Variants in SAMD3 observed in about 807,000 individuals in gnomAD.
SAMD3 encodes sterile alpha motif domain containing 3, also known as sterile alpha motif domain-containing protein 3.
SAMD3 carries 63 observed loss-of-function variants against 58.5 expected under a neutral mutation model. The ratio of observed to expected loss-of-function variants is 1.08; its 90% CI spans 0.88 to 1.33. The LOEUF (loss-of-function observed/expected upper bound fraction) is 1.33. SAMD3 is among the 40% of genes most tolerant of loss of function. The pLI is 0.00. For missense variants in SAMD3, 604 were observed against 608.4 expected (o/e 0.99, Z 0.08); for synonymous variants, 220 against 210.3 (o/e 1.05, Z -0.40).
Position 130,214,527 on chromosome 6 carries a change from C to G in SAMD3, c.80-1G>C. ...AGAGCGGCCCCACTTACTTCTTCCT[C>G]TGGGAAAAAGAAAAAAAATTAGTTT... is the stretch of plus-strand genomic sequence containing the variant. On this transcript the variant is annotated splice_acceptor_variant, in intron 3 of 11. Coordinates refer to ENST00000439090, the MANE Select transcript of SAMD3 (RefSeq NM_001017373.4). LOFTEE classifies it high-confidence loss of function. 1 of 1,571,562 alleles carries G rather than the reference C, an allele frequency of 6.4e-7. No homozygotes were observed.
intron 10 of SAMD3, among the ~76,000 whole-genome samples, chr6:130,145,733 A>C (rs1279137801): frequency 6.6e-6 from 1 of 152,032 alleles, no homozygotes; most frequent in Non-Finnish European, 1.5e-5. Flanking sequence ...CCTAAATATA[A>C]TTTTACAATA....
At chr6:130,323,202 G>A (rs1167911904) in intron 1 of SAMD3, among the ~76,000 whole-genome samples, 2 of 152,126 alleles carry the variant, frequency 1.3e-5, no homozygotes, top group Admixed American at 6.5e-5. Flanking sequence ...ACAGGACAAC[G>A]GATACCTCTT....
chr6:130,174,630 C>A (rs751399158), intron 8 of SAMD3, among the ~76,000 whole-genome samples: 4 of 152,184 alleles, frequency 2.6e-5, no homozygotes, highest in Non-Finnish European at 4.4e-5. Flanking sequence ...GTCCCTCTCA[C>A]AAAGTGATTT....
rs905498602 is a variant in SAMD3 at position 130,211,940 on chromosome 6, C to T, written c.270-2332G>A. On this transcript the variant is annotated intron_variant, in intron 4 of 11. Transcript: ENST00000439090. Reference sequence around the variant, plus strand: ...GAATGCCATCACAGACTCTTTAGAACGGACCTAAAGTATCACTTATTCTAC... The same window carrying T: ...GAATGCCATCACAGACTCTTTAGAATGGACCTAAAGTATCACTTATTCTAC... 6.7e-5 allele frequency among the ~76,000 whole-genome samples: 10 copies of T among 149,846 alleles called. No individual in the cohort carries two copies. In the East Asian group the frequency reaches 7.8e-4, roughly 12 times the overall value.
chr6:130,194,189 T>C (rs1793856163), intron 5 of SAMD3, among the ~76,000 whole-genome samples: 1 of 152,196 alleles, frequency 6.6e-6, no homozygotes, highest in African/African-American at 2.4e-5. Flanking sequence ...GCTAAAGGTA[T>C]AGTCAAGGTT....
At chr6:130,156,341 A>T (rs1352674035) in intron 8 of SAMD3, among the ~76,000 whole-genome samples, 1 of 152,086 alleles carries the variant, frequency 6.6e-6, no homozygotes, top group African/African-American at 2.4e-5. Context: ...AAGAAAAGAA[A>T]AAAAAGGAAT....
chr6:130,218,132 A>G (rs912293218), intron 1 of SAMD3, among the ~76,000 whole-genome samples: 1 of 152,188 alleles, frequency 6.6e-6, no homozygotes, highest in African/African-American at 2.4e-5. Context: ...ATGAAATATT[A>G]GGCTCACAGA....
chr6:130,298,354 G>T (rs894664392), intron 2 of SAMD3, among the ~76,000 whole-genome samples: 1 of 152,062 alleles, frequency 6.6e-6, no homozygotes, highest in Non-Finnish European at 1.5e-5. Context: ...GTCATTACCA[G>T]ATCAGTCTTA....
At chr6:130,331,608 A>G (rs192441313) in intron 1 of SAMD3, among the ~76,000 whole-genome samples, 65 of 152,202 alleles carry the variant, frequency 4.3e-4, no homozygotes, top group African/African-American at 1.5e-3. Context: ...AATCCCAGCT[A>G]CTCAGGAGGC....
chr6:130,291,268 T>C (rs1214078940), intron 2 of SAMD3, among the ~76,000 whole-genome samples: 1 of 152,066 alleles, frequency 6.6e-6, no homozygotes, highest in Non-Finnish European at 1.5e-5. Flanking sequence ...TTATTTATAT[T>C]TTGTTTTTGT....
upstream of SAMD3, among the ~76,000 whole-genome samples, chr6:130,227,099 G>A (rs921749309): frequency 3.3e-5 from 5 of 152,060 alleles, no homozygotes; most frequent in Non-Finnish European, 7.4e-5. Context: ...ATGAAACTCT[G>A]TACCCATGGA....
At chr6:130,354,486 T>C (rs1409029536) in intron 1 of SAMD3, among the ~76,000 whole-genome samples, 1 of 152,192 alleles carries the variant, frequency 6.6e-6, no homozygotes, top group African/African-American at 2.4e-5. Flanking sequence ...TGGAATACTA[T>C]GCAGCCATAA....
chr6:130,241,337 T>C (rs1049159500), intron 2 of SAMD3, among the ~76,000 whole-genome samples: 4 of 149,872 alleles, frequency 2.7e-5, no homozygotes, highest in Non-Finnish European at 5.9e-5. Flanking sequence ...TGCTTCAGCC[T>C]CCCAAGGAGC....
Position 130,169,230 on chromosome 6 carries a change from A to AC in SAMD3, c.822+6610dup, listed in dbSNP as rs201941223. On this transcript the variant is annotated intron_variant, in intron 8 of 11. Coordinates refer to ENST00000439090, the MANE Select transcript of SAMD3 (RefSeq NM_001017373.4). ...ATATGAGATAAATTCAAATGATGGA[A>AC]CCCCCCCACACACACACACTTCTTA... 8.7e-3 allele frequency among the ~76,000 whole-genome samples: 1,317 copies of AC among 150,704 alleles called. 21 individuals carry two copies. Among genetic ancestry groups the AC allele is most frequent in the African/African-American group, 0.027 (1,101 of 40,820 alleles).
chr6:130,242,540 T>G (rs965225003), intron 2 of SAMD3, among the ~76,000 whole-genome samples: 9 of 152,164 alleles, frequency 5.9e-5, no homozygotes, highest in African/African-American at 1.7e-4. Context: ...AAACAGGTAA[T>G]ACATTAGATG....
intron 8 of SAMD3, among the ~76,000 whole-genome samples, chr6:130,156,044 A>G (rs1013195182): frequency 6.6e-6 from 1 of 152,134 alleles, no homozygotes; most frequent in Admixed American, 6.6e-5. Flanking sequence ...ATTTTTCAAG[A>G]AAAAGGAAAG....
chr6:130,166,831 T>G (rs924406099), intron 8 of SAMD3, among the ~76,000 whole-genome samples: 1 of 152,190 alleles, frequency 6.6e-6, no homozygotes, highest in African/African-American at 2.4e-5. Flanking sequence ...GAAATTATGC[T>G]TTATACCTAT....
intron 7 of SAMD3, among the ~76,000 whole-genome samples, chr6:130,178,670 C>T (rs1791971373): frequency 6.6e-6 from 1 of 152,196 alleles, no homozygotes; most frequent in African/African-American, 2.4e-5. Flanking sequence ...ACATATCAGC[C>T]AAGTAACCCC....
At chr6:130,358,726 TACACACACAC>T (rs3029958) in intron 1 of SAMD3, among the ~76,000 whole-genome samples, 2,082 of 144,686 alleles carry the variant, frequency 0.014, 54 homozygotes, top group African/African-American at 0.047. Flanking sequence ...CACTATGTCT[TACACACACAC>T]ACACACACAC....
Sources: gnomAD v4.1 joint callset for allele counts (sites outside exome capture counted in the v4.1 genomes callset) on GRCh38, gnomAD v4.1.1 for gene constraint, MANE v1.5 for transcripts, NCBI Gene and HGNC (gene_info 2026-07-23, HGNC 2026-07-21) for gene names.